EPC1: variants seen among roughly 807,000 people sequenced by gnomAD.
EPC1 encodes enhancer of polycomb homolog 1.
A neutral mutation model predicts 98.4 loss-of-function variants in EPC1; 12 were observed. The ratio of observed to expected loss-of-function variants is 0.12; its 90% CI spans 0.08 to 0.20. EPC1 has a LOEUF of 0.20. Ranked by LOEUF, EPC1 falls within the 10% of genes least tolerant of loss-of-function variation. The pLI, the probability that EPC1 is intolerant of heterozygous loss-of-function variation, is 1.00. For synonymous variants in EPC1, 357 were observed against 363.9 expected, an observed-to-expected ratio of 0.98 and a Z score of 0.21; for missense variants, 729 against 990.5, an observed-to-expected ratio of 0.74 and a Z score of 3.54.
At chr10:32,342,344 A>G (rs1299292585) in intron 1 of EPC1, among the ~76,000 whole-genome samples, 3 of 152,220 alleles carry the variant, frequency 2.0e-5, no homozygotes, top group Admixed American at 2.0e-4. Flanking sequence ...AGTGATTTAA[A>G]TTTAAACTAG....
At position 32,364,001 on chromosome 10, in the gene EPC1, C is replaced by CCTTTTTTTTTTTT. The variant is rs770520611; in HGVS notation, c.3+14489_3+14490insAAAAAAAAAAAAG. Among the ~76,000 whole-genome samples, 55 of 61,858 alleles carry CCTTTTTTTTTTTT rather than the reference C, an allele frequency of 8.9e-4. 26 individuals are homozygous for CCTTTTTTTTTTTT. The highest frequency in any genetic ancestry group is 1.7e-3 in the Admixed American group (7 of 4,120). The allele number at this position is 61,858 out of a possible 152,430, so 40.6% of individuals were successfully genotyped here. On this transcript the variant is annotated intron_variant, in intron 1 of 13. Transcript: ENST00000375110. ...AATAGTATCGTGTCCATCATGTTGG[C>CCTTTTTTTTTTTT]ATTTTTTTTTTTTTTTTTTTTTTTT...
At chr10:32,339,807 G>C (rs1838221778) in intron 1 of EPC1, among the ~76,000 whole-genome samples, 2 of 152,186 alleles carry the variant, frequency 1.3e-5, no homozygotes, top group Non-Finnish European at 2.9e-5. Context: ...TTGTAAGGTA[G>C]CTCAGAAGAC....
chr10:32,302,098 C>G (rs1459050569), intron 2 of EPC1, among the ~76,000 whole-genome samples: 1 of 151,406 alleles, frequency 6.6e-6, no homozygotes, highest in Non-Finnish European at 1.5e-5. Context: ...ATGGTGAAAC[C>G]CCATCTCTAC....
chr10:32,364,620 C>G (rs1592640064), intron 1 of EPC1, among the ~76,000 whole-genome samples: 1 of 152,114 alleles, frequency 6.6e-6, no homozygotes, highest in South Asian at 2.1e-4. Flanking sequence ...TTTCAACTCT[C>G]AAATTTTATT....
At position 32,329,831 on chromosome 10, in the gene EPC1, C is replaced by T. The variant is rs562322066; in HGVS notation, c.153+16932G>A. On this transcript the variant is annotated intron_variant, in intron 1 of 13. Coordinates refer to ENST00000319778, the MANE Select transcript of EPC1 (RefSeq NM_001272004.3). The stretch of plus-strand genomic sequence containing the variant: ...ACTACATAAATAAAATGGAAATTTA[C>T]AGCAGTAATTGCCATGAAAGATGAT... Among the ~76,000 whole-genome samples, 5 of 152,252 alleles carry T rather than the reference C, an allele frequency of 3.3e-5. No homozygotes were observed. The South Asian group carries it at 1.0e-3, about 32-fold the overall frequency.
intron 1 of EPC1, among the ~76,000 whole-genome samples, chr10:32,363,878 C>G (rs1241467459): frequency 6.6e-6 from 1 of 151,710 alleles, no homozygotes; most frequent in African/African-American, 2.4e-5. Context: ...GAACTATCCT[C>G]TGTATAATGG....
At chr10:32,289,330 C>T (rs1592552743) in intron 6 of EPC1, among the ~76,000 whole-genome samples, 3 of 110,430 alleles carry the variant, frequency 2.7e-5, no homozygotes, top group African/African-American at 3.4e-5. Flanking sequence ...ATCAAAATGT[C>T]CATGTTAACA....
chr10:32,330,122 T>C (rs1302366937), intron 1 of EPC1, among the ~76,000 whole-genome samples: 1 of 152,202 alleles, frequency 6.6e-6, no homozygotes, highest in Non-Finnish European at 1.5e-5. Context: ...CATAGGTTTT[T>C]AGCAAGAGTG....
chr10:32,312,072 G>T (rs1836266761), intron 1 of EPC1, among the ~76,000 whole-genome samples: 1 of 152,238 alleles, frequency 6.6e-6, no homozygotes, highest in South Asian at 2.1e-4. Flanking sequence ...GGATTGCTGT[G>T]TACACCAGGA....
intron 10 of EPC1, among the ~76,000 whole-genome samples, chr10:32,275,121 G>T (rs1430268434): frequency 1.3e-5 from 2 of 152,228 alleles, no homozygotes; most frequent in Non-Finnish European, 2.9e-5. Context: ...GAATGTCTAT[G>T]TATTAAAGTC....
intron 1 of EPC1, among the ~76,000 whole-genome samples, chr10:32,325,521 T>C (rs1265857182): frequency 2.0e-5 from 3 of 152,236 alleles, no homozygotes; most frequent in Non-Finnish European, 4.4e-5. Context: ...TTATCTTTTC[T>C]TGTAAAGGTT....
At chr10:32,272,415 T>A (rs552726864) in intron 11 of EPC1, among the ~76,000 whole-genome samples, 27 of 152,262 alleles carry the variant, frequency 1.8e-4, no homozygotes, top group African/African-American at 2.2e-4. Flanking sequence ...TATGTATAAG[T>A]CAATTACCAA....
chr10:32,281,516 A>G (rs1481658772), intron 10 of EPC1, among the ~76,000 whole-genome samples: 1 of 152,210 alleles, frequency 6.6e-6, no homozygotes, highest in East Asian at 1.9e-4. Context: ...GAATGAGGTA[A>G]GATGCTTAAC....
chr10:32,363,732 T>C (rs1157867424), intron 1 of EPC1, among the ~76,000 whole-genome samples: 1 of 152,188 alleles, frequency 6.6e-6, no homozygotes, highest in Non-Finnish European at 1.5e-5. Context: ...ATTTCCAATA[T>C]ATAGTTTCCT....
Position 32,287,262 on chromosome 10 carries a change from C to T in EPC1, c.988G>A (p.Asp330Asn), listed in dbSNP as rs1836739024. Reference protein sequence around the residue: ...EFKVNKQDKADLIRPKRKYEK... With the variant: ...EFKVNKQDKANLIRPKRKYEK... ...TATTTCCGTTTCGGTCGGATAAGAT[C>T]GGCTTTATCTTGCTGCAACAAAGAC... The change falls in exon 7 of 14, where the codon GAT becomes AAT. Residue 330 changes from aspartate to asparagine, a missense_variant. Physicochemically the swap from Asp to Asn is conservative, Grantham distance 23. Coordinates refer to ENST00000319778, the MANE Select transcript of EPC1 (RefSeq NM_001272004.3). 6.2e-7 allele frequency: 1 copy of T among 1,613,914 alleles called. No individual in the cohort carries two copies. The highest frequency in any genetic ancestry group is 8.5e-7 in the Non-Finnish European group (1 of 1,180,016).
chr10:32,278,668 C>T (rs569746774), intron 10 of EPC1, among the ~76,000 whole-genome samples: 1 of 152,052 alleles, frequency 6.6e-6, no homozygotes, highest in African/African-American at 2.4e-5. Flanking sequence ...TGCCTAAAGA[C>T]CCTGAATTAG....
intron 1 of EPC1, among the ~76,000 whole-genome samples, chr10:32,315,532 C>T (rs1332030431): frequency 6.6e-6 from 1 of 152,108 alleles, no homozygotes; most frequent in East Asian, 1.9e-4. Flanking sequence ...TACAAAATTC[C>T]ATATGTGTAA....
At chr10:32,298,100 T>TA (rs1835283409) in intron 2 of EPC1, among the ~76,000 whole-genome samples, 1 of 152,152 alleles carries the variant, frequency 6.6e-6, no homozygotes, top group African/African-American at 2.4e-5. Context: ...CCTGGCCAGT[T>TA]AGATTATTTT....
chr10:32,359,768 A>T (rs944986483), intron 1 of EPC1, among the ~76,000 whole-genome samples: 29 of 152,244 alleles, frequency 1.9e-4, no homozygotes, highest in African/African-American at 2.4e-5. Context: ...TCTCACACGA[A>T]GCCAAATACC....
Sources: allele counts gnomAD v4.1 joint callset (sites outside exome capture counted in the v4.1 genomes callset), GRCh38; gene constraint gnomAD v4.1.1; transcripts MANE v1.5; gene names NCBI Gene and HGNC (gene_info 2026-07-23, HGNC 2026-07-21).